AMPH: variants seen among roughly 807,000 people sequenced by gnomAD.
The protein encoded by AMPH is amphiphysin (Stiff-Mann syndrome with breast cancer 128kD autoantigen).
A neutral mutation model predicts 99.1 loss-of-function variants in AMPH; 49 were observed. The ratio of observed to expected loss-of-function variants is 0.49; its 90% confidence interval spans 0.39 to 0.63. The LOEUF (loss-of-function observed/expected upper bound fraction) is 0.63, where lower values mean the gene tolerates loss of function less well. AMPH is among the 20% of genes least tolerant of loss of function. The pLI is 0.00. For missense variants in AMPH, 759 were observed against 863.4 expected, an observed-to-expected ratio of 0.88 and a Z score of 1.52; for synonymous variants, 314 against 317.3, an observed-to-expected ratio of 0.99 and a Z score of 0.11.
chr7:38,517,432 C>A (rs10807897), intron 2 of AMPH, among the ~76,000 whole-genome samples: 130,334 of 152,224 alleles, frequency 0.86, 56,038 homozygotes, highest in Middle Eastern at 0.9. Context: ...GCCATGTAAG[C>A]TGTACCTCCT....
At chr7:38,588,294 C>A (rs1048419313) in intron 1 of AMPH, among the ~76,000 whole-genome samples, 24 of 152,230 alleles carry the variant, frequency 1.6e-4, no homozygotes, top group Non-Finnish European at 3.1e-4. Context: ...GGGATAATAT[C>A]TTCCATCTTA....
At chr7:38,421,028 G>T (rs998036453) in intron 16 of AMPH, 2 of 456,496 alleles carry the variant, frequency 4.4e-6, no homozygotes, top group Admixed American at 4.7e-5. Flanking sequence ...TAGATCAGAG[G>T]GCAGGACCAA....
At chr7:38,617,649 C>G (rs980654875) in intron 1 of AMPH, among the ~76,000 whole-genome samples, 4 of 152,184 alleles carry the variant, frequency 2.6e-5, no homozygotes, top group African/African-American at 9.7e-5. Flanking sequence ...ATTCTCCTTC[C>G]TGCTCTTCAA....
At chr7:38,469,556 T>G (rs981127695) in intron 7 of AMPH, among the ~76,000 whole-genome samples, 1 of 152,130 alleles carries the variant, frequency 6.6e-6, no homozygotes, top group Non-Finnish European at 1.5e-5. Context: ...AGATGGAGTA[T>G]GAGGAAGAGT....
At chr7:38,497,380 C>G (rs935584548) in intron 3 of AMPH, among the ~76,000 whole-genome samples, 3 of 152,126 alleles carry the variant, frequency 2.0e-5, no homozygotes, top group Non-Finnish European at 2.9e-5. Context: ...TGCCCAGCAT[C>G]ATATACAGAA....
chr7:38,553,084 T>A (rs1401697098), intron 1 of AMPH, among the ~76,000 whole-genome samples: 3 of 152,214 alleles, frequency 2.0e-5, no homozygotes, highest in African/African-American at 7.2e-5. Context: ...TTTGAACTAT[T>A]TCTGGCAGTC....
In AMPH at chr7:38,463,967, TG is replaced by T. The variant is rs575822485; in HGVS notation, c.750-855del. 2,333 of 924,714 alleles carry T rather than the reference TG, an allele frequency of 2.5e-3. 56 individuals carry two copies. In the South Asian group the frequency reaches 0.028, roughly 11 times the overall value. 57.3% of individuals were successfully genotyped at this position (924,714 alleles called of 1,614,324 possible). On this transcript the variant is annotated intron_variant, in intron 9 of 20. Transcript: ENST00000356264. ...TACATATTCAAAGGGCTGAGGAAAC[TG>T]GGTCCTTTAGCGAGAACACAGACAT...
intron 1 of AMPH, among the ~76,000 whole-genome samples, chr7:38,588,894 C>T (rs2129057389): frequency 6.6e-6 from 1 of 152,246 alleles, no homozygotes; most frequent in South Asian, 2.1e-4. Flanking sequence ...ACTTAATGGG[C>T]ATCTGAAGTT....
At chr7:38,399,846 G>C (rs945595674) in intron 17 of AMPH, among the ~76,000 whole-genome samples, 1 of 152,024 alleles carries the variant, frequency 6.6e-6, no homozygotes, top group Non-Finnish European at 1.5e-5. Context: ...ACTATCTATT[G>C]GTCAAATATA....
chr7:38,447,488 A>C (rs1786833132), intron 11 of AMPH, among the ~76,000 whole-genome samples: 1 of 152,130 alleles, frequency 6.6e-6, no homozygotes, highest in South Asian at 2.1e-4. Context: ...TCATTTTTAT[A>C]AGCATATCAG....
At chr7:38,444,829 AAAC>A (rs1329525548) in intron 11 of AMPH, among the ~76,000 whole-genome samples, 1 of 152,018 alleles carries the variant, frequency 6.6e-6, no homozygotes, top group East Asian at 1.9e-4. Flanking sequence ...AGAATAGCCA[AAAC>A]AACTCTGAAA....
chr7:38,504,365 C>T (rs113802217), intron 2 of AMPH, among the ~76,000 whole-genome samples: 1 of 152,158 alleles, frequency 6.6e-6, no homozygotes, highest in African/African-American at 2.4e-5. Flanking sequence ...CATATGAATG[C>T]CTGTTTTGGT....
Position 38,461,549 on chromosome 7 carries a change from T to C in AMPH, c.889-138A>G, listed in dbSNP as rs554896018. The stretch of plus-strand genomic sequence containing the variant: ...ATCTGCATATAGCAGCAAGCCTATC[T>C]GATACAGGTAAAGAATGCTGTCTAC... On this transcript the variant is annotated intron_variant, in intron 10 of 20. Transcript: ENST00000356264. 55 of 1,024,186 alleles carry C rather than the reference T, an allele frequency of 5.4e-5. No homozygotes were observed. In the South Asian group the frequency reaches 7.8e-4, roughly 15 times the overall value. The allele number at this position is 1,024,186 out of a possible 1,614,324, so 63.4% of individuals were successfully genotyped here.
At chr7:38,390,961 CAGAGAGAGAGAGAGAGAGAG>C (rs199667568) in intron 19 of AMPH, among the ~76,000 whole-genome samples, 62 of 129,296 alleles carry the variant, frequency 4.8e-4, no homozygotes, top group Middle Eastern at 8.2e-3. Context: ...GAGACAAAGA[CAGAGAGAGAGAGAGAGAGAG>C]AGAGAGAGAG....
rs369590269 is a variant in AMPH, at chr7:38,570,985, AAT to A, written c.70-35976_70-35975del. ...ATATATATAGAATATATATATATTCAATATATATATATTCATATATATAGAAT... is the reference window on the plus strand; with the variant it reads ...ATATATATAGAATATATATATATTCAATATATATATTCATATATATAGAAT... On this transcript the variant is annotated intron_variant, in intron 1 of 20. Transcript: ENST00000356264. 1.3e-3 allele frequency among the ~76,000 whole-genome samples: 13 copies of A among 10,260 alleles called. 4 individuals are homozygous for A. Among genetic ancestry groups the A allele is most frequent in the African/African-American group, 3.1e-3 (8 of 2,616 alleles). 6.7% of individuals were successfully genotyped at this position (10,260 alleles called of 152,430 possible). A position where few individuals can be genotyped will look rare whatever the true frequency, so the allele number is the denominator to read the frequency against.
intron 5 of AMPH, among the ~76,000 whole-genome samples, chr7:38,480,038 A>T (rs1024227951): frequency 1.3e-4 from 19 of 150,792 alleles, no homozygotes; most frequent in African/African-American, 4.1e-4. Flanking sequence ...GCTTTAAAAA[A>T]TTTGATATGG....
At chr7:38,585,245 C>G (rs1417823547) in intron 1 of AMPH, among the ~76,000 whole-genome samples, 1 of 152,144 alleles carries the variant, frequency 6.6e-6, no homozygotes, top group African/African-American at 2.4e-5. Flanking sequence ...CCATGTGTTT[C>G]AAAACTATTA....
At chr7:38,529,295 G>A (rs1392327171) in intron 2 of AMPH, among the ~76,000 whole-genome samples, 1 of 152,236 alleles carries the variant, frequency 6.6e-6, no homozygotes, top group African/African-American at 2.4e-5. Flanking sequence ...CATAGGATTA[G>A]AAGTTTCAAG....
chr7:38,393,188 A>G (rs1482447204), intron 18 of AMPH, among the ~76,000 whole-genome samples: 2 of 152,202 alleles, frequency 1.3e-5, no homozygotes, highest in East Asian at 3.9e-4. Context: ...TCCTTCTCCC[A>G]TAACACTGTT....
Sources: gnomAD v4.1 joint callset for allele counts (sites outside exome capture counted in the v4.1 genomes callset) on GRCh38, gnomAD v4.1.1 for gene constraint, MANE v1.5 for transcripts, NCBI Gene and HGNC (gene_info 2026-07-23, HGNC 2026-07-21) for gene names.